SAXO1: variants seen among roughly 807,000 people sequenced by gnomAD.
SAXO1 encodes the protein 4930500O09Rik.
A neutral mutation model predicts 17.5 loss-of-function variants in SAXO1; 21 were observed. The observed-to-expected ratio is 1.20, with a 90% confidence interval of 0.85 to 1.72. SAXO1 has a LOEUF of 1.72. SAXO1 is among the 40% of genes most tolerant of loss of function. SAXO1 has a pLI of 0.00. For synonymous variants in SAXO1, 274 were observed against 216.5 expected (o/e 1.27, Z -2.33); for missense variants, 843 against 596.0 (o/e 1.41, Z -4.32).
chr9:18,999,396 C>G (rs1355265159), intron 1 of SAXO1, among the ~76,000 whole-genome samples: 1 of 151,932 alleles, frequency 6.6e-6, no homozygotes, highest in African/African-American at 2.4e-5. Context: ...AAGTGAGGAG[C>G]ACCTCCGCCC....
At chr9:18,933,526 A>G (rs546994842) in intron 3 of SAXO1, among the ~76,000 whole-genome samples, 1 of 151,150 alleles carries the variant, frequency 6.6e-6, no homozygotes, top group Non-Finnish European at 1.5e-5. Flanking sequence ...GCCATCTGGT[A>G]TCATTCCCTT....
chr9:18,974,024 T>A (rs1049969942), intron 1 of SAXO1, among the ~76,000 whole-genome samples: 11 of 152,226 alleles, frequency 7.2e-5, no homozygotes, highest in African/African-American at 2.4e-4. Context: ...GTGCTCAGTA[T>A]CCAAAAACTT....
chr9:19,005,331 A>G (rs1423337867), intron 1 of SAXO1, among the ~76,000 whole-genome samples: 1 of 151,562 alleles, frequency 6.6e-6, no homozygotes, highest in African/African-American at 2.4e-5. Flanking sequence ...ATCTTGGAGA[A>G]AAAAAAAATG....
intron 1 of SAXO1, among the ~76,000 whole-genome samples, chr9:19,009,903 T>C (rs1476843694): frequency 5.9e-5 from 9 of 151,964 alleles, no homozygotes; most frequent in Admixed American, 2.0e-4. Context: ...CTCTGCTCAC[T>C]GCAACCTCCG....
chr9:18,942,782 G>A (rs572469228), intron 2 of SAXO1, among the ~76,000 whole-genome samples: 3 of 152,296 alleles, frequency 2.0e-5, no homozygotes, highest in Admixed American at 1.3e-4. Flanking sequence ...GGCTTAGCTC[G>A]GACTTGTGTT....
chr9:18,988,197 G>A (rs1324184312), intron 1 of SAXO1, among the ~76,000 whole-genome samples: 1 of 152,246 alleles, frequency 6.6e-6, no homozygotes, highest in East Asian at 1.9e-4. Flanking sequence ...GGCTCTGAAA[G>A]TGAGTATCAG....
At chr9:19,022,952 T>C (rs559425857) in intron 1 of SAXO1, among the ~76,000 whole-genome samples, 114 of 152,290 alleles carry the variant, frequency 7.5e-4, no homozygotes, top group African/African-American at 2.6e-3. Context: ...AGTTCAAAAC[T>C]GAACAGCAAC....
Position 19,009,081 on chromosome 9 carries a change from AC to A in SAXO1, c.38+23789del, listed in dbSNP as rs977083494. On this transcript the variant is annotated intron_variant, in intron 1 of 3. Coordinates refer to ENST00000380534, the MANE Select transcript of SAXO1 (RefSeq NM_153707.4). ...ACAAATATAATTTATTTTAATCAGTACCCCCACACAGCAACAGCAGACAGAA... is the reference window on the plus strand; with the variant it reads ...ACAAATATAATTTATTTTAATCAGTACCCCACACAGCAACAGCAGACAGAA... Among the ~76,000 whole-genome samples the A allele has an allele frequency of 4.6e-5, 7 of 151,928 alleles. 1 individual carries two copies.
rs566937812 is a variant in SAXO1, at chr9:19,021,285, G to A, written c.38+11586C>T. Among the ~76,000 whole-genome samples the A allele has an allele frequency of 1.3e-4, 20 of 152,302 alleles. No homozygotes were observed. In the South Asian group the frequency reaches 1.9e-3, roughly 14 times the overall value. On this transcript the variant is annotated intron_variant, in intron 1 of 3. Coordinates refer to ENST00000380534, the MANE Select transcript of SAXO1 (RefSeq NM_153707.4). ...GCTGGGGTAGCCACAGACAGCCAAC[G>A]TGCAGAGGAAGTCAGAGTACCCAGA...
Position 19,045,316 on chromosome 9 carries a change from C to CAA in SAXO1, c.-158+3891_-158+3892dup, listed in dbSNP as rs575855900. ...TGGGCGACAGAGCGAGACTCCGTCT[C>CAA]AAAAAAAAAAAAAAAAAAAAAAAAA... On this transcript the variant is annotated intron_variant, in intron 1 of 3. Transcript: ENST00000542071. Among the ~76,000 whole-genome samples the CAA allele has an allele frequency of 2.6e-3, 230 of 89,314 alleles. 8 individuals carry two copies. The highest frequency in any genetic ancestry group is 0.017 in the East Asian group (33 of 1,892). The allele number at this position is 89,314 out of a possible 152,430, so 58.6% of individuals were successfully genotyped here. A position where few individuals can be genotyped will look rare whatever the true frequency, so the allele number is the denominator to read the frequency against.
chr9:18,986,340 C>G (rs760511985), intron 1 of SAXO1, among the ~76,000 whole-genome samples: 10 of 152,106 alleles, frequency 6.6e-5, no homozygotes, highest in Non-Finnish European at 1.2e-4. Flanking sequence ...AATTTATCAC[C>G]CTTAGAATAT....
At chr9:19,023,904 C>G (rs569931206) in intron 1 of SAXO1, among the ~76,000 whole-genome samples, 4 of 150,872 alleles carry the variant, frequency 2.7e-5, no homozygotes, top group African/African-American at 9.8e-5. Context: ...TTTGGGAGTC[C>G]GAGGTGGGAA....
At chr9:18,965,059 T>C (rs1361259721) in intron 1 of SAXO1, among the ~76,000 whole-genome samples, 1 of 152,196 alleles carries the variant, frequency 6.6e-6, no homozygotes. Context: ...CATGTAGTCG[T>C]GCAGTTTTGA....
intron 1 of SAXO1, among the ~76,000 whole-genome samples, chr9:19,045,316 C>CAAAAAAAAAA (rs575855900): frequency 1.0e-4 from 9 of 89,338 alleles, no homozygotes; most frequent in African/African-American, 3.4e-4. Context: ...GACTCCGTCT[C>CAAAAAAAAAA]AAAAAAAAAA....
intron 1 of SAXO1, among the ~76,000 whole-genome samples, chr9:18,969,674 A>G (rs1027166111): frequency 5.9e-5 from 9 of 152,072 alleles, no homozygotes; most frequent in African/African-American, 1.9e-4. Context: ...ACAGCTAAGC[A>G]CAATGCCTGG....
chr9:19,020,370 G>A (rs1418515065), intron 1 of SAXO1, among the ~76,000 whole-genome samples: 4 of 149,258 alleles, frequency 2.7e-5, no homozygotes, highest in African/African-American at 9.9e-5. Context: ...GTGAGACAGG[G>A]TCTTGCCTTG....
upstream of SAXO1, among the ~76,000 whole-genome samples, chr9:19,034,100 G>A (rs975182796): frequency 6.6e-6 from 1 of 152,152 alleles, no homozygotes; most frequent in Non-Finnish European, 1.5e-5. Context: ...CAGTTGTTTG[G>A]ACTTAAAACA....
intron 2 of SAXO1, among the ~76,000 whole-genome samples, chr9:18,950,137 G>A (rs1450274372): frequency 6.6e-6 from 1 of 152,144 alleles, no homozygotes; most frequent in Admixed American, 6.5e-5. Context: ...AAACACCTCT[G>A]CAACGCTAAT....
intron 1 of SAXO1, among the ~76,000 whole-genome samples, chr9:18,975,442 C>A (rs4278231): frequency 0.78 from 118,698 of 152,156 alleles, 46,521 homozygotes; most frequent in Middle Eastern, 0.83. Context: ...CAGAGCACAC[C>A]CATTTCAGAC....
Sources: allele counts gnomAD v4.1 joint callset (sites outside exome capture counted in the v4.1 genomes callset), GRCh38; gene constraint gnomAD v4.1.1; transcripts MANE v1.5; gene names NCBI Gene and HGNC (gene_info 2026-07-23, HGNC 2026-07-21).